USP6: variants seen among roughly 807,000 people sequenced by gnomAD.
USP6 encodes the protein ubiquitin specific peptidase 6, also known as ubiquitin carboxyl-terminal hydrolase 6.
A neutral mutation model predicts 175.7 loss-of-function variants in USP6; 128 were observed. The observed-to-expected ratio is 0.73, with a 90% CI of 0.63 to 0.84. USP6 has a LOEUF of 0.84. Among genes scored for constraint, USP6 ranks in the 40% least tolerant of loss-of-function variants. The pLI is 0.00. For missense variants in USP6, 1,498 were observed against 1,760.3 expected (o/e 0.85, Z 2.67); for synonymous variants, 562 against 630.6 (o/e 0.89, Z 1.63).
At position 5,145,421 on chromosome 17, in the gene USP6, T is replaced by G; in HGVS notation, c.2009T>G (p.Leu670Arg). 6.2e-7 allele frequency: 1 copy of G among 1,606,968 alleles called. No homozygotes were observed. Among genetic ancestry groups the G allele is most frequent in the Non-Finnish European group, 8.5e-7 (1 of 1,177,530 alleles). Residue 670 changes from leucine (L) to arginine (R), a missense_variant, in exon 27 of 38, where the codon CTA (leucine) becomes CGA (arginine). By Grantham distance (102) the Leu-to-Arg change is moderately radical (BLOSUM62 -2). Transcript: ENST00000574788. ...TATTGCTAGGCCTGGGACAACCATC[T>G]AAGAAGAAATAGATCAATTATTGTG... ...EVAAEAWDNH[L>R]RRNRSIIVDL...
chr17:5,122,825 C>G (rs142609999), intron 4 of USP6, among the ~76,000 whole-genome samples: 2,191 of 152,334 alleles, frequency 0.014, 30 homozygotes, highest in Non-Finnish European at 0.019. Flanking sequence ...GGAGAGCGCA[C>G]TGAGCTCTTA....
rs2072667365 is a variant in USP6 at position 5,121,621 on chromosome 17, A to G, written c.-1428A>G. ...CAGGGGCTCATCAGAAGCATGGAGC[A>G]GCAGCTGTGCGAGCTCTGCTGCGAC... On this transcript the variant is annotated 5_prime_UTR_variant, in exon 4 of 38. Transcript: ENST00000574788. 1 of 161,930 alleles carries G rather than the reference A, an allele frequency of 6.2e-6. No individual in the cohort carries two copies. Among genetic ancestry groups the G allele is most frequent in the Admixed American group, 6.2e-5 (1 of 16,238 alleles). The allele number at this position is 161,930 out of a possible 1,614,324, so 10.0% of individuals were successfully genotyped here. A position where few individuals can be genotyped will look rare whatever the true frequency, so the allele number is the denominator to read the frequency against.
intron 29 of USP6, 92 bp downstream of exon 29, chr17:5,147,286 T>A: frequency 7.4e-7 from 1 of 1,350,768 alleles, no homozygotes; most frequent in Non-Finnish European, 1.0e-6. Flanking sequence ...ATGCTGAGGA[T>A]GTTATAGCAG....
rs571805187 is a variant in USP6 at position 5,136,832 on chromosome 17, C to T, written c.759+98C>T. On this transcript the variant is annotated intron_variant, in intron 18 of 37. Transcript: ENST00000574788. ...AGTCCCTTGTGGGACTGGTGACTGG[C>T]GGAGTCCCAGCTAGGGCCTGACCTG... The T allele has an allele frequency of 8.4e-5, 128 of 1,530,616 alleles. No homozygotes were observed. The Admixed American group carries it at 9.2e-4, about 11-fold the overall frequency. 94.8% of individuals were successfully genotyped at this position (1,530,616 alleles called of 1,614,324 possible). A position where few individuals can be genotyped will look rare whatever the true frequency, so the allele number is the denominator to read the frequency against.
chr17:5,170,908 CA>C lies in USP6; in HGVS notation c.3949del (p.Ile1317PhefsTer8). On this transcript the variant is annotated frameshift_variant, in exon 36 of 38. Transcript: ENST00000574788. LOFTEE classifies it high-confidence loss of function. The stretch of plus-strand genomic sequence containing the variant: ...ATTAAGCCTATTTATAATCTATATG[CA>C]ATTTCAGTAAGTGGTTTATTATACG... The part of the protein sequence containing the change: ...THIKPIYNLY[A>X]ISCHSGILSG... The C allele has an allele frequency of 6.2e-7, 1 of 1,610,326 alleles. No individual in the cohort carries two copies. Among genetic ancestry groups the C allele is most frequent in the Non-Finnish European group, 8.5e-7 (1 of 1,178,326 alleles).
intron 34 of USP6, 57 bp downstream of exon 34, chr17:5,168,180 A>G (rs2074135439): frequency 2.7e-6 from 4 of 1,497,338 alleles, no homozygotes; most frequent in South Asian, 1.4e-5. Context: ...GAAAGAAGAC[A>G]TGAACAAACA....
At chr17:5,149,228 T>C (rs12951318) in intron 30 of USP6, among the ~76,000 whole-genome samples, 113,884 of 151,552 alleles carry the variant, frequency 0.75, 43,523 homozygotes, top group Non-Finnish European at 0.81. Flanking sequence ...CATGGTGAAA[T>C]CCCATCTCTA....
intron 32 of USP6, 32 bp downstream of exon 32, chr17:5,161,646 A>T: frequency 6.2e-7 from 1 of 1,605,528 alleles, no homozygotes; most frequent in Non-Finnish European, 8.5e-7. Context: ...TTACTTTAGT[A>T]GAATTTCAGC....
chr17:5,130,518 CA>C, intron 10 of USP6, 79 bp downstream of exon 10: 1 of 1,610,848 alleles, frequency 6.2e-7, no homozygotes, highest in Non-Finnish European at 8.5e-7. Context: ...CCTAGGAGCA[CA>C]GGGCAGGGAC....
intron 32 of USP6, 94 bp downstream of exon 32, chr17:5,161,708 T>C (rs1259267587): frequency 9.4e-6 from 13 of 1,382,004 alleles, no homozygotes; most frequent in Non-Finnish European, 1.1e-5. Context: ...AAGTAAATAG[T>C]GAATAATGAG....
chr17:5,147,824 A>G (rs1318950056), intron 29 of USP6, among the ~76,000 whole-genome samples: 2 of 152,230 alleles, frequency 1.3e-5, no homozygotes, highest in African/African-American at 4.8e-5. Context: ...GTGGACTGTT[A>G]AGAGCTCGAG....
At position 5,155,529 on chromosome 17, in the gene USP6, T is replaced by C; in HGVS notation, c.2751T>C (p.Tyr917=). ...TGCATACCCGGAAGAAAGACCTATA[T>C]GATGCGGTTTGGATTCAAGTATCCT... ...CTVHTRKKDL[Y]DAVWIQVSWL... is the part of the protein sequence containing the mutation. The change falls in exon 31 of 38, where the codon TAT becomes TAC. Residue 917 remains tyrosine, a synonymous_variant. Transcript: ENST00000574788. The C allele has an allele frequency of 6.2e-7, 1 of 1,614,154 alleles. No individual in the cohort carries two copies. The highest frequency in any genetic ancestry group is 8.5e-7 in the Non-Finnish European group (1 of 1,180,022).
Position 5,116,146 on chromosome 17 carries a change from C to T in USP6, c.-2522C>T, listed in dbSNP as rs1335918626. Among the ~76,000 whole-genome samples the T allele has an allele frequency of 6.6e-6, 1 of 152,254 alleles. No individual in the cohort carries two copies. Among genetic ancestry groups the T allele is most frequent in the African/African-American group, 2.4e-5 (1 of 41,470 alleles). On this transcript the variant is annotated 5_prime_UTR_variant, in exon 1 of 38. Transcript: ENST00000574788. ...CAGTCTTCCCCTCACTCGACGCTACCTTGGCGGCCGCGCCCATGCTGTCCC... is the reference window on the plus strand; with the variant it reads ...CAGTCTTCCCCTCACTCGACGCTACTTTGGCGGCCGCGCCCATGCTGTCCC...
chr17:5,127,384 T>A (rs905330889), intron 6 of USP6, 120 bp from the exon 7 acceptor site: 1 of 152,282 alleles, frequency 6.6e-6, no homozygotes, highest in Non-Finnish European at 1.5e-5. Context: ...CGAGGCTGCC[T>A]AATATGCTTT....
rs2073461130 is a variant in USP6 at position 5,142,007 on chromosome 17, C to T, written c.1578C>T (p.Pro526=). 2 of 1,612,048 alleles carry T rather than the reference C, an allele frequency of 1.2e-6. No homozygotes were observed. Among genetic ancestry groups the T allele is most frequent in the East Asian group, 4.5e-5 (2 of 44,854 alleles). ...TTCTCATATTGTTTGTTCCAGTTCC[C>T]ACAGAAAAGGGAGCCACAGGTCTAA... ...NSSKIDRQKV[P]TEKGATGLSN... The change falls in exon 24 of 38, where the codon CCC becomes CCT. Residue 526 remains proline, a synonymous_variant. Coordinates refer to ENST00000574788, the MANE Select transcript of USP6 (RefSeq NM_001304284.2).
At chr17:5,148,465 A>G (rs2073671991) in intron 29 of USP6, 91 bp from the exon 30 acceptor site, 3 of 1,424,928 alleles carry the variant, frequency 2.1e-6, no homozygotes, top group Non-Finnish European at 2.9e-6. Context: ...TTAAGAGACT[A>G]CACTGTCTCT....
chr17:5,123,552 C>G (rs1290233072), intron 4 of USP6, among the ~76,000 whole-genome samples: 1 of 152,132 alleles, frequency 6.6e-6, no homozygotes, highest in African/African-American at 2.4e-5. Context: ...CTGCGTGGGG[C>G]CACACTCACT....
At chr17:5,126,427 A>G (rs1003135297) in intron 6 of USP6, among the ~76,000 whole-genome samples, 1 of 152,178 alleles carries the variant, frequency 6.6e-6, no homozygotes, top group African/African-American at 2.4e-5. Context: ...TTTATGCTCC[A>G]TGAGAAGGGA....
chr17:5,123,329 C>T (rs1289379556), intron 4 of USP6, among the ~76,000 whole-genome samples: 4 of 151,900 alleles, frequency 2.6e-5, no homozygotes, highest in Non-Finnish European at 4.4e-5. Flanking sequence ...AGCGCCTCCC[C>T]GCCCGGGCAC....
Sources: gnomAD v4.1 joint callset for allele counts (sites outside exome capture counted in the v4.1 genomes callset) on GRCh38, gnomAD v4.1.1 for gene constraint, MANE v1.5 for transcripts, NCBI Gene and HGNC (gene_info 2026-07-23, HGNC 2026-07-21) for gene names.